The following PDE4B variants were observed in gnomAD, a reference collection of about 807,000 sequenced individuals.
PDE4B encodes phosphodiesterase 4B.
Under a neutral mutation model 82.2 loss-of-function variants are expected in PDE4B, and 20 were observed. That is an observed-to-expected ratio of 0.24 (90% confidence interval 0.17 to 0.35). The LOEUF (loss-of-function observed/expected upper bound fraction) is 0.35, where lower values mean the gene tolerates loss of function less well. Among genes scored for constraint, PDE4B ranks in the 10% least tolerant of loss-of-function variants. The pLI is 1.00. For missense variants in PDE4B, 655 were observed against 907.2 expected (o/e 0.72, Z 3.57); for synonymous variants, 320 against 318.9 (o/e 1.00, Z -0.04).
At chr1:65,845,286 C>T (rs1646256149) in intron 1 of PDE4B, among the ~76,000 whole-genome samples, 1 of 152,170 alleles carries the variant, frequency 6.6e-6, no homozygotes, top group African/African-American at 2.4e-5. Context: ...GCAATATAAA[C>T]ATGAAATGCC....
chr1:66,131,495 A>G (rs932305974), intron 3 of PDE4B, among the ~76,000 whole-genome samples: 2 of 149,524 alleles, frequency 1.3e-5, no homozygotes, highest in Admixed American at 1.3e-4. Context: ...GAAAATGAGT[A>G]CTTATATTAA....
intron 3 of PDE4B, among the ~76,000 whole-genome samples, chr1:66,129,697 C>CAAAAAAA (rs66704627): frequency 2.3e-5 from 3 of 130,522 alleles, no homozygotes; most frequent in African/African-American, 8.9e-5. Flanking sequence ...AACAAAAAAA[C>CAAAAAAA]AAAAAAAAAA....
intron 1 of PDE4B, among the ~76,000 whole-genome samples, chr1:65,799,062 T>A (rs1645666157): frequency 6.6e-6 from 1 of 152,224 alleles, no homozygotes; most frequent in African/African-American, 2.4e-5. Context: ...TGCTGATATT[T>A]TGAATGGATT....
chr1:66,041,757 AT>A (rs894605770), intron 3 of PDE4B, among the ~76,000 whole-genome samples: 5 of 151,522 alleles, frequency 3.3e-5, no homozygotes, highest in African/African-American at 1.2e-4. Flanking sequence ...TGGGTCATGA[AT>A]AACTTGAGGA....
At chr1:66,307,597 A>G (rs1026865327) in intron 7 of PDE4B, among the ~76,000 whole-genome samples, 3 of 152,152 alleles carry the variant, frequency 2.0e-5, no homozygotes, top group African/African-American at 7.2e-5. Context: ...TCTTGACATA[A>G]TGACTGTGGA....
At chr1:65,822,551 A>G (rs1645965042) in intron 1 of PDE4B, among the ~76,000 whole-genome samples, 1 of 152,182 alleles carries the variant, frequency 6.6e-6, no homozygotes, top group Admixed American at 6.5e-5. Flanking sequence ...TTTGCATGTT[A>G]GAACTTAAAC....
chr1:66,011,744 T>C (rs1422442161), intron 3 of PDE4B, among the ~76,000 whole-genome samples: 3 of 152,202 alleles, frequency 2.0e-5, no homozygotes, highest in East Asian at 1.9e-4. Context: ...CACTAGGATA[T>C]TGGCAGGCAG....
At chr1:66,335,841 T>C (rs1660474244) in intron 8 of PDE4B, among the ~76,000 whole-genome samples, 2 of 152,242 alleles carry the variant, frequency 1.3e-5, no homozygotes, top group South Asian at 2.1e-4. Flanking sequence ...GCCGTTTTGC[T>C]TAACAACAGA....
intron 1 of PDE4B, among the ~76,000 whole-genome samples, chr1:65,830,244 T>G (rs185169744): frequency 1.2e-4 from 18 of 152,170 alleles, no homozygotes; most frequent in Admixed American, 2.6e-4. Context: ...TATAAACAAA[T>G]GATTGAAAAA....
intron 1 of PDE4B, among the ~76,000 whole-genome samples, chr1:65,894,276 T>C (rs999151759): frequency 7.2e-5 from 11 of 152,138 alleles, no homozygotes; most frequent in African/African-American, 2.7e-4. Context: ...CAGCAAGTAA[T>C]TTTCTAAGTA....
At chr1:66,197,484 A>T (rs11208815) in intron 3 of PDE4B, among the ~76,000 whole-genome samples, 1 of 151,946 alleles carries the variant, frequency 6.6e-6, no homozygotes, top group Non-Finnish European at 1.5e-5. Context: ...CATGATATTT[A>T]TACGTATTTA....
chr1:66,096,525 T>TATATATATATA (rs1557557976), intron 3 of PDE4B, among the ~76,000 whole-genome samples: 1 of 142,496 alleles, frequency 7.0e-6, no homozygotes, highest in African/African-American at 2.5e-5. Context: ...TATATATATA[T>TATATATATATA]ATATATATAT....
At chr1:66,043,806 T>C (rs1254924906) in intron 3 of PDE4B, among the ~76,000 whole-genome samples, 2 of 151,700 alleles carry the variant, frequency 1.3e-5, no homozygotes, top group African/African-American at 4.8e-5. Flanking sequence ...CAGGATTGTG[T>C]TCTCTAGTAA....
chr1:66,017,717 T>G (rs1177032594), intron 3 of PDE4B, among the ~76,000 whole-genome samples: 3 of 152,220 alleles, frequency 2.0e-5, no homozygotes, highest in African/African-American at 7.2e-5. Context: ...CCCTATGCCA[T>G]GCATGTCTTG....
intron 3 of PDE4B, among the ~76,000 whole-genome samples, chr1:66,051,872 A>T (rs1223229228): frequency 6.6e-6 from 1 of 152,178 alleles, no homozygotes; most frequent in Non-Finnish European, 1.5e-5. Flanking sequence ...TACCTCTTAA[A>T]AGAAACACTT....
chr1:66,270,749 G>A (rs1448614332), intron 7 of PDE4B, among the ~76,000 whole-genome samples: 1 of 152,052 alleles, frequency 6.6e-6, no homozygotes, highest in African/African-American at 2.4e-5. Context: ...GACCAGTCAT[G>A]ATAAAGGAAA....
At chr1:66,276,501 G>A (rs1655888390) in intron 7 of PDE4B, among the ~76,000 whole-genome samples, 2 of 152,218 alleles carry the variant, frequency 1.3e-5, no homozygotes, top group Admixed American at 1.3e-4. Context: ...AAAGCGAAGT[G>A]ACTGGACTAC....
At chr1:65,807,444 T>C (rs1320691277) in intron 1 of PDE4B, among the ~76,000 whole-genome samples, 1 of 152,238 alleles carries the variant, frequency 6.6e-6, no homozygotes, top group East Asian at 1.9e-4. Context: ...ATTTTAATTA[T>C]TGGAATTTAC....
intron 4 of PDE4B, chr1:66,257,344 G>A: frequency 2.1e-6 from 1 of 467,070 alleles, no homozygotes; most frequent in Non-Finnish European, 4.1e-6. Flanking sequence ...AAGTCGCTTT[G>A]AATTACAGTA....
Sources: allele counts gnomAD v4.1 joint callset (sites outside exome capture counted in the v4.1 genomes callset), GRCh38; gene constraint gnomAD v4.1.1; transcripts MANE v1.5; gene names NCBI Gene and HGNC (gene_info 2026-07-23, HGNC 2026-07-21).